POC1B: variants seen among roughly 807,000 people sequenced by gnomAD.
POC1B encodes POC1 centriolar protein homolog B.
In POC1B, 44 loss-of-function variants were observed where a neutral mutation model predicts 60.6. The ratio of observed to expected loss-of-function variants is 0.73; its 90% CI spans 0.57 to 0.93. The LOEUF (loss-of-function observed/expected upper bound fraction) is 0.93, where lower values mean the gene tolerates loss of function less well. POC1B is among the 40% of genes least tolerant of loss of function. The pLI is 0.00. For synonymous variants in POC1B, 180 were observed against 198.9 expected (o/e 0.90, Z 0.80); for missense variants, 555 against 572.3 (o/e 0.97, Z 0.31).
intron 4 of POC1B, among the ~76,000 whole-genome samples, chr12:89,481,121 G>T (rs111335369): frequency 6.6e-6 from 1 of 152,116 alleles, no homozygotes; most frequent in Admixed American, 6.5e-5. Flanking sequence ...TGATCCACCC[G>T]CCTCGGCCTC....
Position 89,467,612 on chromosome 12 carries a change from C to T in POC1B, c.879+5G>A, listed in dbSNP as rs1472661415. ...AATCAAAGAGGAGCTGAAAGATTTA[C>T]AAACCTGTGTGTCTGCACCTCCTGA... On this transcript the variant is annotated splice_donor_5th_base_variant and intron_variant, in intron 8 of 11. Coordinates refer to ENST00000313546, the MANE Select transcript of POC1B (RefSeq NM_172240.3). 1 of 1,607,062 alleles carries T rather than the reference C, an allele frequency of 6.2e-7. No individual in the cohort carries two copies. Among genetic ancestry groups the T allele is most frequent in the Non-Finnish European group, 8.5e-7 (1 of 1,174,646 alleles).
At chr12:89,437,265 T>C (rs1881308006) in intron 10 of POC1B, among the ~76,000 whole-genome samples, 1 of 152,198 alleles carries the variant, frequency 6.6e-6, no homozygotes, top group Admixed American at 6.5e-5. Flanking sequence ...TTTGTCACTC[T>C]CCTGGCTGAA....
chr12:89,525,714 C>A, intron 1 of POC1B, 167 bp downstream of exon 1: 1 of 1,260,644 alleles, frequency 7.9e-7, no homozygotes, highest in Non-Finnish European at 1.0e-6. Flanking sequence ...CCGTCCGCCC[C>A]GATGGCAGAG....
intron 2 of POC1B, chr12:89,500,421 C>T: frequency 1.3e-6 from 2 of 1,525,362 alleles, no homozygotes; most frequent in Non-Finnish European, 1.8e-6. Flanking sequence ...ACCAACAGAT[C>T]AGTTCAGGCC....
chr12:89,518,799 G>T (rs2135768738), intron 2 of POC1B, among the ~76,000 whole-genome samples: 1 of 152,310 alleles, frequency 6.6e-6, no homozygotes, highest in South Asian at 2.1e-4. Flanking sequence ...AAGTCACTTA[G>T]AGAGTAAGGT....
At chr12:89,471,007 T>C (rs1377217422) in intron 6 of POC1B, among the ~76,000 whole-genome samples, 1 of 152,178 alleles carries the variant, frequency 6.6e-6, no homozygotes, top group East Asian at 1.9e-4. Flanking sequence ...AAGACCTAAG[T>C]AGTTCTATTG....
chr12:89,488,384 A>G (rs556465456), intron 4 of POC1B, among the ~76,000 whole-genome samples: 40 of 152,346 alleles, frequency 2.6e-4, no homozygotes, highest in African/African-American at 8.9e-4. Context: ...TGATGTATAT[A>G]CAGATATGAG....
intron 2 of POC1B, chr12:89,500,839 G>C (rs977504559): frequency 3.8e-6 from 4 of 1,046,930 alleles, no homozygotes; most frequent in Non-Finnish European, 5.7e-6. Context: ...TCTCAGAATA[G>C]AATACGACAT....
intron 2 of POC1B, among the ~76,000 whole-genome samples, chr12:89,518,691 C>G (rs1453996261): frequency 2.6e-5 from 4 of 152,150 alleles, no homozygotes; most frequent in Non-Finnish European, 4.4e-5. Context: ...TTCCCAGACC[C>G]TGGCAAACAC....
rs567383984 is a variant in POC1B at position 89,487,977 on chromosome 12, C to T, written c.452+3959G>A. Among the ~76,000 whole-genome samples the T allele has an allele frequency of 8.5e-5, 13 of 152,226 alleles. No homozygotes were observed. In the South Asian group the frequency reaches 2.7e-3, roughly 32 times the overall value. The stretch of plus-strand genomic sequence containing the variant: ...TCCCCACTGAAGTAACTGTCGGCTC[C>T]CTGAGGCCAAGACTGTGTCTTTCAT... On this transcript the variant is annotated intron_variant, in intron 4 of 11. Transcript: ENST00000313546.
rs1314121960 is a variant in POC1B at position 89,466,754 on chromosome 12, T to C, written c.1032+16A>G. On this transcript the variant is annotated intron_variant, in intron 9 of 11. Coordinates refer to ENST00000313546, the MANE Select transcript of POC1B (RefSeq NM_172240.3). The stretch of plus-strand genomic sequence containing the variant: ...ATGTACACAAAATGTAGGACAAATA[T>C]GAACAAAATACTCACTTCTACAGTC... 1.3e-6 allele frequency: 2 copies of C among 1,596,594 alleles called. No individual in the cohort carries two copies. The highest frequency in any genetic ancestry group is 4.5e-5 in the East Asian group (2 of 44,510).
chr12:89,406,885 C>A, the POC1B span, among the ~76,000 whole-genome samples: 3 of 151,970 alleles, frequency 2.0e-5, no homozygotes, highest in Non-Finnish European at 4.4e-5. Flanking sequence ...GTGGCTCACA[C>A]CTGTAATCCC....
chr12:89,524,727 C>T, intron 2 of POC1B: 1 of 677,550 alleles, frequency 1.5e-6, no homozygotes, highest in South Asian at 1.9e-5. Flanking sequence ...TCTCGGTCCT[C>T]GGCCTCCGGC....
At chr12:89,500,844 C>A (rs150423200) in intron 2 of POC1B, 2 of 1,045,930 alleles carry the variant, frequency 1.9e-6, no homozygotes, top group South Asian at 2.9e-5. Context: ...GAATAGAATA[C>A]GACATTCAGA....
intron 2 of POC1B, among the ~76,000 whole-genome samples, chr12:89,503,922 G>A (rs537541873): frequency 1.1e-4 from 17 of 150,394 alleles, no homozygotes; most frequent in South Asian, 8.5e-4. Flanking sequence ...CCTCCGCCCC[G>A]CAGCCACCCT....
intron 1 of POC1B, chr12:89,525,416 C>A (rs1871371108): frequency 1.4e-6 from 2 of 1,384,950 alleles, no homozygotes; most frequent in Admixed American, 3.4e-5. Context: ...CCCCGCAGAG[C>A]CCGCAAAACG....
intron 10 of POC1B, among the ~76,000 whole-genome samples, chr12:89,459,407 TAAAA>T (rs10535587): frequency 2.4e-4 from 25 of 102,444 alleles, no homozygotes; most frequent in Non-Finnish European, 3.2e-4. Flanking sequence ...ACTTAAAGTA[TAAAA>T]AAAAAAAAAA....
chr12:89,499,752 T>C (rs1869451005), intron 2 of POC1B, among the ~76,000 whole-genome samples: 2 of 152,228 alleles, frequency 1.3e-5, no homozygotes, highest in African/African-American at 4.8e-5. Context: ...TTATACCACA[T>C]ACAAAAGTTA....
intron 3 of POC1B, among the ~76,000 whole-genome samples, chr12:89,494,615 TG>T (rs1869151634): frequency 6.6e-6 from 1 of 152,158 alleles, no homozygotes. Context: ...CTCCTCCCTT[TG>T]GGCTGGTGTT....
Sources: allele counts gnomAD v4.1 joint callset (sites outside exome capture counted in the v4.1 genomes callset), GRCh38; gene constraint gnomAD v4.1.1; transcripts MANE v1.5; gene names NCBI Gene and HGNC (gene_info 2026-07-23, HGNC 2026-07-21).